The following LRCH3 variants were observed in gnomAD, a reference collection of about 807,000 sequenced individuals.
LRCH3 encodes leucine rich repeats and calponin homology domain containing 3, also known as DISP complex protein LRCH3.
In LRCH3, 68 loss-of-function variants were observed where a neutral mutation model predicts 104.5. That is an observed-to-expected ratio of 0.65 (90% CI 0.54 to 0.80). The LOEUF (loss-of-function observed/expected upper bound fraction) is 0.80. LRCH3 is among the 30% of genes least tolerant of loss of function. The pLI, the probability that LRCH3 is intolerant of heterozygous loss-of-function variation, is 0.00. For synonymous variants in LRCH3, 344 were observed against 361.3 expected (o/e 0.95, Z 0.54); for missense variants, 951 against 953.9 (o/e 1.00, Z 0.04).
intron 9 of LRCH3, 36 bp downstream of exon 9, chr3:197,835,858 C>G (rs1323528494): frequency 1.3e-6 from 2 of 1,599,438 alleles, no homozygotes; most frequent in Admixed American, 1.7e-5. Context: ...ATGTTGCTAT[C>G]CCTTCATAAA....
intron 20 of LRCH3, among the ~76,000 whole-genome samples, chr3:197,880,153 G>A (rs1713587115): frequency 1.3e-5 from 2 of 151,456 alleles, no homozygotes; most frequent in Admixed American, 6.6e-5. Flanking sequence ...CACCGTGTTA[G>A]CCGGGATGGT....
At position 197,884,970 on chromosome 3, in the gene LRCH3, T is replaced by C. The variant is rs1284898063; in HGVS notation, c.*1304T>C. The C allele has an allele frequency of 1.3e-5, 2 of 152,236 alleles. No individual in the cohort carries two copies. Among genetic ancestry groups the C allele is most frequent in the African/African-American group, 4.8e-5 (2 of 41,438 alleles). The allele number at this position is 152,236 out of a possible 1,614,324, so 9.4% of individuals were successfully genotyped here. On this transcript the variant is annotated 3_prime_UTR_variant, in exon 21 of 21. Transcript: ENST00000425562. ...AGAGTTGTATTTAAGGTCAGTATTC[T>C]AGGCCTCCCTTCAACTGCAGTCATA...
In LRCH3 at chr3:197,882,960, G is replaced by C. The variant is rs1283080014; in HGVS notation, c.2209-581G>C. On this transcript the variant is annotated intron_variant, in intron 20 of 20. Transcript: ENST00000425562. ...GCCCTTCCATGAATTATTCAAATTA[G>C]GGGGAAGTTTCTCAAGAGCTCAGGA... 4.1e-6 allele frequency: 4 copies of C among 985,238 alleles called. No individual in the cohort carries two copies. The African/African-American group carries it at 7.0e-5, about 17-fold the overall frequency. 61.0% of individuals were successfully genotyped at this position (985,238 alleles called of 1,614,324 possible).
chr3:197,859,933 T>C (rs1425774885), intron 15 of LRCH3, among the ~76,000 whole-genome samples: 1 of 152,236 alleles, frequency 6.6e-6, no homozygotes, highest in Non-Finnish European at 1.5e-5. Context: ...GTGCCCTCCA[T>C]TCTGGCTTCA....
intron 10 of LRCH3, among the ~76,000 whole-genome samples, chr3:197,839,955 G>A (rs1278210201): frequency 3.4e-5 from 5 of 149,192 alleles, no homozygotes; most frequent in African/African-American, 1.2e-4. Context: ...CTGGGCAACA[G>A]AGTGAGACCC....
In LRCH3 at chr3:197,866,206, A is replaced by G; in HGVS notation, c.1860A>G (p.Ala620=). The G allele has an allele frequency of 1.2e-6, 2 of 1,613,574 alleles. No homozygotes were observed. Among genetic ancestry groups the G allele is most frequent in the Non-Finnish European group, 1.7e-6 (2 of 1,179,458 alleles). Residue 620 remains alanine (A), a synonymous_variant, in exon 17 of 21, where the codon GCA becomes GCG. Coordinates refer to ENST00000425562, the MANE Select transcript of LRCH3 (RefSeq NM_001365715.1). The part of the protein sequence containing the change: ...ESFLFRAGVR[A]ETNKGHASPL... Reference sequence around the variant, plus strand: ...TCCTTTTCCGAGCAGGTGTCAGGGCAGAAACCAACAAAGGTAGGTGGTGGT... The same window carrying G: ...TCCTTTTCCGAGCAGGTGTCAGGGCGGAAACCAACAAAGGTAGGTGGTGGT...
At chr3:197,864,296 G>C (rs923283342) in intron 15 of LRCH3, among the ~76,000 whole-genome samples, 4 of 137,552 alleles carry the variant, frequency 2.9e-5, no homozygotes, top group Middle Eastern at 0.011. Flanking sequence ...ACAAGAGCGA[G>C]ACTCCATCTC....
intron 20 of LRCH3, chr3:197,882,601 A>G (rs981867495): frequency 1.0e-6 from 1 of 962,990 alleles, no homozygotes; most frequent in African/African-American, 1.8e-5. Flanking sequence ...CCAGAATTCT[A>G]TATTCTGTTC....
intron 10 of LRCH3, among the ~76,000 whole-genome samples, chr3:197,843,692 A>G (rs1407827860): frequency 6.6e-6 from 1 of 152,226 alleles, no homozygotes; most frequent in Non-Finnish European, 1.5e-5. Flanking sequence ...AAGAAAAAAA[A>G]AAAGTCTGCC....
intron 4 of LRCH3, among the ~76,000 whole-genome samples, chr3:197,825,197 G>A (rs1379737875): frequency 6.6e-6 from 1 of 151,946 alleles, no homozygotes; most frequent in Non-Finnish European, 1.5e-5. Flanking sequence ...ACCAGCTTTT[G>A]CTCTCTGGAA....
At chr3:197,872,862 A>G (rs1712388265) in intron 19 of LRCH3, among the ~76,000 whole-genome samples, 1 of 152,154 alleles carries the variant, frequency 6.6e-6, no homozygotes, top group African/African-American at 2.4e-5. Flanking sequence ...GTCTCAAAAG[A>G]AAAAAAGGGA....
At chr3:197,809,857 G>C (rs1454446690) in intron 1 of LRCH3, among the ~76,000 whole-genome samples, 5 of 152,098 alleles carry the variant, frequency 3.3e-5, no homozygotes, top group Admixed American at 2.6e-4. Context: ...GGATGGTCTA[G>C]CATCTCTGTC....
chr3:197,866,929 C>T (rs1741553775), intron 17 of LRCH3, among the ~76,000 whole-genome samples: 1 of 151,640 alleles, frequency 6.6e-6, no homozygotes, highest in South Asian at 2.1e-4. Context: ...CACTTGAGGT[C>T]GGGAGTTTGA....
chr3:197,882,959 AG>A (rs1713916485), intron 20 of LRCH3: 1 of 985,306 alleles, frequency 1.0e-6, no homozygotes, highest in African/African-American at 1.7e-5. Context: ...TATTCAAATT[AG>A]GGGGAAGTTT....
chr3:197,811,433 C>A (rs1733111556), intron 1 of LRCH3, among the ~76,000 whole-genome samples: 1 of 152,020 alleles, frequency 6.6e-6, no homozygotes, highest in African/African-American at 2.4e-5. Flanking sequence ...TTGTCATCAT[C>A]CCTGGCCATT....
At chr3:197,855,488 A>G (rs1392499962) in intron 14 of LRCH3, among the ~76,000 whole-genome samples, 1 of 152,222 alleles carries the variant, frequency 6.6e-6, no homozygotes, top group Admixed American at 6.5e-5. Flanking sequence ...TCACCTTTTT[A>G]CAAATGATTA....
At chr3:197,827,307 G>A (rs1398937225) in intron 5 of LRCH3, among the ~76,000 whole-genome samples, 1 of 151,784 alleles carries the variant, frequency 6.6e-6, no homozygotes, top group Non-Finnish European at 1.5e-5. Flanking sequence ...CATAATGGAA[G>A]CATCAGGTAA....
At chr3:197,867,237 A>G (rs1173912406) in intron 17 of LRCH3, among the ~76,000 whole-genome samples, 1 of 151,994 alleles carries the variant, frequency 6.6e-6, no homozygotes, top group Non-Finnish European at 1.5e-5. Flanking sequence ...AGATGGCGCC[A>G]CTATACTCCA....
intron 1 of LRCH3, 79 bp from the exon 2 acceptor site, chr3:197,814,829 G>A: frequency 8.1e-7 from 1 of 1,232,922 alleles, no homozygotes; most frequent in Non-Finnish European, 1.1e-6. Context: ...TTATTTTTTA[G>A]TTTATGTGGA....
Sources: gnomAD v4.1 joint callset for allele counts (sites outside exome capture counted in the v4.1 genomes callset) on GRCh38, gnomAD v4.1.1 for gene constraint, MANE v1.5 for transcripts, NCBI Gene and HGNC (gene_info 2026-07-23, HGNC 2026-07-21) for gene names.